WWOX: variants seen among roughly 807,000 people sequenced by gnomAD.
The protein encoded by WWOX is WW domain containing oxidoreductase, also known as WW domain-containing oxidoreductase.
WWOX carries 69 observed loss-of-function variants against 46.2 expected under a neutral mutation model. That is an observed-to-expected ratio of 1.49 (90% CI 1.23 to 1.82). The LOEUF (loss-of-function observed/expected upper bound fraction) is 1.82. WWOX is among the 40% of genes most tolerant of loss of function. The pLI, the probability that WWOX is intolerant of heterozygous loss-of-function variation, is 0.00. For synonymous variants in WWOX, 359 were observed against 202.6 expected, an observed-to-expected ratio of 1.77 and a Z score of -6.56; for missense variants, 919 against 542.6, an observed-to-expected ratio of 1.69 and a Z score of -6.89.
chr16:78,684,087 A>G (rs2047798790), intron 8 of WWOX, among the ~76,000 whole-genome samples: 1 of 152,086 alleles, frequency 6.6e-6, no homozygotes, highest in Admixed American at 6.5e-5. Flanking sequence ...TTTTTAGCTC[A>G]TGGCCGTGCA....
chr16:78,662,649 A>G (rs1489582726), intron 8 of WWOX, among the ~76,000 whole-genome samples: 8 of 152,164 alleles, frequency 5.3e-5, no homozygotes, highest in African/African-American at 1.7e-4. Flanking sequence ...ACATACATTC[A>G]TCATTTTGCT....
At chr16:78,994,008 C>G (rs796372531) in intron 8 of WWOX, among the ~76,000 whole-genome samples, 31 of 152,300 alleles carry the variant, frequency 2.0e-4, no homozygotes, top group African/African-American at 7.0e-4. Flanking sequence ...GGAGCTACGA[C>G]GAGGGTACCC....
intron 8 of WWOX, among the ~76,000 whole-genome samples, chr16:78,994,824 G>A (rs1001282874): frequency 2.6e-5 from 4 of 152,024 alleles, no homozygotes; most frequent in Non-Finnish European, 2.9e-5. Context: ...TGCACCATTT[G>A]CCGTTGCACT....
intron 8 of WWOX, among the ~76,000 whole-genome samples, chr16:78,869,731 G>A (rs2044085426): frequency 6.6e-6 from 1 of 152,230 alleles, no homozygotes; most frequent in Non-Finnish European, 1.5e-5. Flanking sequence ...CTGAGTTGTA[G>A]ATTTCTAGTT....
intron 8 of WWOX, among the ~76,000 whole-genome samples, chr16:78,934,154 T>C (rs1420883588): frequency 1.3e-5 from 2 of 151,506 alleles, no homozygotes; most frequent in Non-Finnish European, 2.9e-5. Context: ...GCTAACGTGG[T>C]GAAACCCCGT....
intron 8 of WWOX, among the ~76,000 whole-genome samples, chr16:79,035,219 A>C (rs2047842404): frequency 6.6e-6 from 1 of 152,208 alleles, no homozygotes; most frequent in African/African-American, 2.4e-5. Flanking sequence ...GCCCACAATA[A>C]GACGTAGAAA....
chr16:78,567,629 C>T (rs948827738), intron 8 of WWOX, among the ~76,000 whole-genome samples: 2 of 150,106 alleles, frequency 1.3e-5, no homozygotes, highest in African/African-American at 2.4e-5. Context: ...CCGCAGCCTG[C>T]TATTGTATTT....
chr16:78,841,242 G>A (rs372427134), intron 8 of WWOX, among the ~76,000 whole-genome samples: 1 of 152,152 alleles, frequency 6.6e-6, no homozygotes, highest in East Asian at 1.9e-4. Context: ...CTTTTACCAA[G>A]GTCTCAATAC....
Position 78,800,258 on chromosome 16 carries a change from A to G in WWOX, c.1056+367506A>G, listed in dbSNP as rs1481341479. ...TCATTGTTCCATGGCAAAAAAAAAA[A>G]GTCGAGCTTTTCAGCCACAGTATTT... On this transcript the variant is annotated intron_variant, in intron 8 of 8. Transcript: ENST00000566780. Among the ~76,000 whole-genome samples, 3 of 152,068 alleles carry G rather than the reference A, an allele frequency of 2.0e-5. No homozygotes were observed. In the East Asian group the frequency reaches 5.8e-4, roughly 29 times the overall value.
intron 8 of WWOX, among the ~76,000 whole-genome samples, chr16:78,689,800 A>G (rs1244335903): frequency 6.6e-6 from 1 of 152,156 alleles, no homozygotes; most frequent in Admixed American, 6.5e-5. Context: ...TGTTGAAATA[A>G]TCCTGCATAA....
At chr16:78,756,957 G>C (rs186208052) in intron 8 of WWOX, 2 of 702,988 alleles carry the variant, frequency 2.8e-6, no homozygotes, top group Non-Finnish European at 5.2e-6. Flanking sequence ...CAGCTGCCAT[G>C]TTGGGAGGAT....
chr16:79,198,848 G>A (rs1271115294), intron 8 of WWOX, among the ~76,000 whole-genome samples: 2 of 152,182 alleles, frequency 1.3e-5, no homozygotes, highest in Non-Finnish European at 2.9e-5. Flanking sequence ...CTTTGTTGTT[G>A]AAAGGTCACT....
At chr16:78,310,858 C>T (rs766204395) in intron 5 of WWOX, among the ~76,000 whole-genome samples, 5 of 152,200 alleles carry the variant, frequency 3.3e-5, no homozygotes, top group South Asian at 2.1e-4. Context: ...GCCTCTGTAA[C>T]GCAGCCCCAG....
chr16:78,559,171 C>G (rs570678026), intron 8 of WWOX, among the ~76,000 whole-genome samples: 56 of 152,322 alleles, frequency 3.7e-4, no homozygotes, highest in African/African-American at 1.2e-3. Flanking sequence ...CAGCAAGATT[C>G]TAGATCTTAC....
rs730880291 is a variant in WWOX, at chr16:78,099,822, AGGAC to A, written c.46_49del (p.Asp16SerfsTer63). ...GCGGGGCTGGACGACACGGACAGTG[AGGAC>A]GAGCTGCCTCCGGGCTGGGAGGAGA... On this transcript the variant is annotated frameshift_variant, in exon 1 of 9. Transcript: ENST00000566780. LOFTEE classifies it high-confidence loss of function. The A allele has an allele frequency of 6.3e-7, 1 of 1,580,298 alleles. No individual in the cohort carries two copies. The highest frequency in any genetic ancestry group is 8.6e-7 in the Non-Finnish European group (1 of 1,164,298).
At chr16:78,562,955 G>A (rs1423453298) in intron 8 of WWOX, among the ~76,000 whole-genome samples, 5 of 151,956 alleles carry the variant, frequency 3.3e-5, no homozygotes, top group Non-Finnish European at 4.4e-5. Flanking sequence ...CATATGCTGT[G>A]CAGATCCCTC....
intron 8 of WWOX, among the ~76,000 whole-genome samples, chr16:78,915,690 A>G (rs924502013): frequency 7.4e-5 from 1 of 13,586 alleles, no homozygotes; most frequent in Non-Finnish European, 1.9e-4. Context: ...TTCCTCTCCA[A>G]AGCCATTTAA....
intron 8 of WWOX, among the ~76,000 whole-genome samples, chr16:79,064,131 T>C (rs548823912): frequency 2.0e-4 from 31 of 152,340 alleles, no homozygotes; most frequent in African/African-American, 7.0e-4. Context: ...CTCTAGCTGA[T>C]AGAGAGTTTT....
At chr16:78,739,899 C>G (rs2049175403) in intron 8 of WWOX, among the ~76,000 whole-genome samples, 1 of 152,118 alleles carries the variant, frequency 6.6e-6, no homozygotes, top group Admixed American at 6.5e-5. Flanking sequence ...TAATCTGGGT[C>G]AGAGAATTGT....
Sources: allele counts gnomAD v4.1 joint callset (sites outside exome capture counted in the v4.1 genomes callset), GRCh38; gene constraint gnomAD v4.1.1; transcripts MANE v1.5; gene names NCBI Gene and HGNC (gene_info 2026-07-23, HGNC 2026-07-21).